Variants in CSGALNACT1 observed in about 807,000 individuals in gnomAD.
The protein encoded by CSGALNACT1 is chondroitin sulfate N-acetylgalactosaminyltransferase 1.
A neutral mutation model predicts 51.0 loss-of-function variants in CSGALNACT1; 52 were observed. That is an observed-to-expected ratio of 1.02 (90% CI 0.82 to 1.29). The LOEUF (loss-of-function observed/expected upper bound fraction) is 1.29, where lower values mean the gene tolerates loss of function less well. Ranked by LOEUF, CSGALNACT1 falls within the 50% of genes most tolerant of loss-of-function variation. The pLI is 0.00. For synonymous variants in CSGALNACT1, 341 were observed against 254.4 expected, an observed-to-expected ratio of 1.34 and a Z score of -3.24; for missense variants, 935 against 679.2, an observed-to-expected ratio of 1.38 and a Z score of -4.19.
intron 3 of CSGALNACT1, among the ~76,000 whole-genome samples, chr8:19,518,532 T>C (rs2080000945): frequency 6.6e-6 from 1 of 152,212 alleles, no homozygotes; most frequent in African/African-American, 2.4e-5. Flanking sequence ...AATCAGAGAC[T>C]GCCTCCTCAA....
intron 3 of CSGALNACT1, among the ~76,000 whole-genome samples, chr8:19,507,546 AAAAAAAG>A (rs1238854941): frequency 6.6e-6 from 1 of 151,502 alleles, no homozygotes; most frequent in Non-Finnish European, 1.5e-5. Flanking sequence ...AAAAAAAAAA[AAAAAAAG>A]AATGATTAAT....
intron 1 of CSGALNACT1, among the ~76,000 whole-genome samples, chr8:19,751,794 A>G (rs950227606): frequency 1.3e-5 from 2 of 152,012 alleles, no homozygotes; most frequent in Non-Finnish European, 2.9e-5. Flanking sequence ...TCCTGTTGCC[A>G]TGTGAAGATG....
intron 1 of CSGALNACT1, among the ~76,000 whole-genome samples, chr8:19,695,529 G>A (rs1346955314): frequency 6.6e-6 from 1 of 152,130 alleles, no homozygotes; most frequent in Middle Eastern, 3.2e-3. Flanking sequence ...TGCTCCAATT[G>A]ACTCCAGGAA....
At chr8:19,609,568 G>C (rs1480669574) in intron 1 of CSGALNACT1, among the ~76,000 whole-genome samples, 1 of 145,620 alleles carries the variant, frequency 6.9e-6, no homozygotes, top group African/African-American at 2.6e-5. Flanking sequence ...TTATGCCAAG[G>C]AAAAGAAACC....
intron 6 of CSGALNACT1, among the ~76,000 whole-genome samples, chr8:19,431,531 T>C (rs1327296366): frequency 2.6e-5 from 4 of 152,062 alleles, no homozygotes; most frequent in African/African-American, 9.7e-5. Flanking sequence ...TAATTGCATA[T>C]AATTCTTTTT....
chr8:19,432,758 T>C (rs910332326), intron 6 of CSGALNACT1, among the ~76,000 whole-genome samples: 1 of 152,212 alleles, frequency 6.6e-6, no homozygotes, highest in Admixed American at 6.5e-5. Context: ...TTTTCAACAC[T>C]ACAATTTCTA....
intron 3 of CSGALNACT1, among the ~76,000 whole-genome samples, chr8:19,586,793 G>T (rs1213681806): frequency 2.0e-5 from 3 of 152,182 alleles, no homozygotes; most frequent in South Asian, 2.1e-4. Flanking sequence ...GAACCCAGAG[G>T]TTAAACAAAA....
In CSGALNACT1 at chr8:19,644,709, CAAAAAAAAAAAAAA is replaced by C. The variant is rs756025465; in HGVS notation, c.-544+37750_-544+37763del. 2.7e-4 allele frequency among the ~76,000 whole-genome samples: 6 copies of C among 22,292 alleles called. No homozygotes were observed. The South Asian group carries it at 8.4e-3, about 31-fold the overall frequency. The allele number at this position is 22,292 out of a possible 152,430, so 14.6% of individuals were successfully genotyped here. On this transcript the variant is annotated intron_variant, in intron 1 of 9. Coordinates refer to the CSGALNACT1 transcript ENST00000332246. Reference sequence around the variant, plus strand: ...TGGGTAACAGAGCGAGACTCCGTCTCAAAAAAAAAAAAAAAAAAAAAAAAAAAGAGGAAACATAG... The same window carrying C: ...TGGGTAACAGAGCGAGACTCCGTCTCAAAAAAAAAAAAAGAGGAAACATAG...
At chr8:19,588,715 A>C (rs569494197) in intron 3 of CSGALNACT1, among the ~76,000 whole-genome samples, 19 of 152,290 alleles carry the variant, frequency 1.2e-4, no homozygotes, top group Admixed American at 2.6e-4. Flanking sequence ...ATTTTTTTGC[A>C]AGGTTGGCAC....
At chr8:19,727,416 C>A (rs113475979) in intron 1 of CSGALNACT1, among the ~76,000 whole-genome samples, 2 of 152,112 alleles carry the variant, frequency 1.3e-5, no homozygotes, top group Admixed American at 1.3e-4. Context: ...GGTATGATCA[C>A]GGCTTTCACT....
chr8:19,545,701 C>A (rs187580912), intron 3 of CSGALNACT1, among the ~76,000 whole-genome samples: 444 of 151,876 alleles, frequency 2.9e-3, no homozygotes, highest in Non-Finnish European at 3.9e-3. Flanking sequence ...GAAACTATAA[C>A]TTTTCCTCCC....
chr8:19,551,001 A>G (rs1367168891), intron 3 of CSGALNACT1, among the ~76,000 whole-genome samples: 1 of 152,176 alleles, frequency 6.6e-6, no homozygotes, highest in Non-Finnish European at 1.5e-5. Context: ...CTGACTTCCC[A>G]GCAATCACCA....
chr8:19,619,249 G>GC (rs1564274705), intron 1 of CSGALNACT1, among the ~76,000 whole-genome samples: 1 of 111,310 alleles, frequency 9.0e-6, no homozygotes, highest in African/African-American at 3.6e-5. Context: ...AGACAGGGTC[G>GC]GGGGGGGGTG....
At chr8:19,660,282 G>A (rs1235978620) in intron 1 of CSGALNACT1, among the ~76,000 whole-genome samples, 1 of 152,240 alleles carries the variant, frequency 6.6e-6, no homozygotes, top group Non-Finnish European at 1.5e-5. Context: ...ATGAAAGAGT[G>A]CAGTCTGGGG....
intron 2 of CSGALNACT1, among the ~76,000 whole-genome samples, chr8:19,597,728 G>A (rs1037639197): frequency 4.6e-5 from 7 of 152,350 alleles, no homozygotes; most frequent in Middle Eastern, 3.4e-3. Flanking sequence ...CTGGTACACC[G>A]TCAAATGTGC....
At chr8:19,699,165 C>A (rs2061732300) in intron 1 of CSGALNACT1, among the ~76,000 whole-genome samples, 1 of 152,212 alleles carries the variant, frequency 6.6e-6, no homozygotes, top group African/African-American at 2.4e-5. Context: ...AGCCACCGCG[C>A]CCAGCCTCGT....
intron 6 of CSGALNACT1, among the ~76,000 whole-genome samples, chr8:19,423,716 T>A (rs1464728874): frequency 6.6e-6 from 1 of 152,078 alleles, no homozygotes; most frequent in African/African-American, 2.4e-5. Flanking sequence ...AGAAAGAAAA[T>A]TCAGGCAAAT....
chr8:19,522,689 A>C (rs1466231094), intron 3 of CSGALNACT1, among the ~76,000 whole-genome samples: 2 of 152,242 alleles, frequency 1.3e-5, no homozygotes, highest in African/African-American at 2.4e-5. Context: ...TCTGACCTGC[A>C]AAGTCACTCT....
intron 1 of CSGALNACT1, among the ~76,000 whole-genome samples, chr8:19,629,006 C>A (rs1412365067): frequency 6.6e-6 from 1 of 152,010 alleles, no homozygotes; most frequent in African/African-American, 2.4e-5. Flanking sequence ...TTCTAAGAGA[C>A]CAAGGAGAAA....
Sources: gnomAD v4.1 joint callset for allele counts (sites outside exome capture counted in the v4.1 genomes callset) on GRCh38, gnomAD v4.1.1 for gene constraint, MANE v1.5 for transcripts, NCBI Gene and HGNC (gene_info 2026-07-23, HGNC 2026-07-21) for gene names.